PRH1: variants seen among roughly 807,000 people sequenced by gnomAD.
PRH1 encodes the protein salivary acidic proline-rich phosphoprotein 1/2.
In PRH1, 7 loss-of-function variants were observed where a neutral mutation model predicts 7.9. The observed-to-expected ratio is 0.89, with a 90% CI of 0.50 to 1.67. The LOEUF is 1.67. PRH1 is among the 40% of genes most tolerant of loss of function. The pLI, the probability that PRH1 is intolerant of heterozygous loss-of-function variation, is 0.00. For missense variants in PRH1, 109 were observed against 223.6 expected, an observed-to-expected ratio of 0.49 and a Z score of 3.27; for synonymous variants, 45 against 80.8, an observed-to-expected ratio of 0.56 and a Z score of 2.38.
At chr12:10,892,545 T>C (rs942273267) in intron 2 of PRH1, among the ~76,000 whole-genome samples, 4 of 152,138 alleles carry the variant, frequency 2.6e-5, no homozygotes, top group African/African-American at 9.7e-5. Flanking sequence ...AAGGGGTATG[T>C]CATTTTATGA....
At chr12:10,999,517 T>A (rs566337626) in intron 1 of PRH1, among the ~76,000 whole-genome samples, 2 of 152,262 alleles carry the variant, frequency 1.3e-5, no homozygotes, top group East Asian at 1.9e-4. Context: ...TGTAATTTTT[T>A]AAATAAAATT....
intron 1 of PRH1, among the ~76,000 whole-genome samples, chr12:11,138,959 C>A (rs1946631783): frequency 6.6e-6 from 1 of 152,132 alleles, no homozygotes; most frequent in African/African-American, 2.4e-5. Context: ...AGAATCACTT[C>A]AGCCCGGGTG....
At chr12:11,054,366 T>C (rs996870670) in intron 1 of PRH1, among the ~76,000 whole-genome samples, 2 of 152,204 alleles carry the variant, frequency 1.3e-5, no homozygotes, top group Non-Finnish European at 2.9e-5. Context: ...ATAAGCTTCA[T>C]CTTTTAATAG....
intron 1 of PRH1, among the ~76,000 whole-genome samples, chr12:11,073,789 TTATA>T (rs1944184261): frequency 1.3e-5 from 2 of 152,166 alleles, no homozygotes; most frequent in Admixed American, 6.5e-5. Context: ...ATCGTGGGCA[TTATA>T]GGACTCTGTG....
At chr12:11,092,299 T>G in intron 1 of PRH1, 4 of 1,046,450 alleles carry the variant, frequency 3.8e-6, no homozygotes, top group Non-Finnish European at 5.6e-6. Context: ...GCAGGTGGGT[T>G]CGTGGTCTCG....
At chr12:10,997,027 G>C (rs755857929) in intron 1 of PRH1, 6 of 1,614,040 alleles carry the variant, frequency 3.7e-6, no homozygotes, top group Non-Finnish European at 4.2e-6. Flanking sequence ...TTAGCGTCTT[G>C]TTCCCCCAAA....
intron 1 of PRH1, among the ~76,000 whole-genome samples, chr12:11,141,251 C>A (rs1195189731): frequency 6.6e-6 from 1 of 152,150 alleles, no homozygotes; most frequent in Non-Finnish European, 1.5e-5. Flanking sequence ...TCTCTTGAGT[C>A]TAGTTAATAC....
rs757992422 is a variant in PRH1, at chr12:10,882,396, G to A, written c.403C>T (p.Gln135Ter). 3 of 1,603,798 alleles carry A rather than the reference G, an allele frequency of 1.9e-6. No homozygotes were observed. The South Asian group carries it at 3.3e-5, about 18-fold the overall frequency. ...CGAGGAGGACGGGGATGGCCTCCCT[G>A]TTGGGGTGGTCCTTGTGGCCTTCCT... ...PQGRPQGPPQ[Q>*]GGHPRPPRGR... Residue 135 changes from glutamine to a stop codon, truncating the protein, a stop_gained, in exon 3 of 4, where the codon CAG becomes TAG. Transcript: ENST00000543626. LOFTEE classifies it low-confidence loss of function (END_TRUNC).
At chr12:11,044,098 T>C (rs777711839) in intron 1 of PRH1, among the ~76,000 whole-genome samples, 32 of 152,150 alleles carry the variant, frequency 2.1e-4, no homozygotes, top group Non-Finnish European at 3.7e-4. Context: ...GACAGACACA[T>C]AGACCAACGG....
downstream of PRH1, among the ~76,000 whole-genome samples, chr12:11,117,956 C>T (rs969519161): frequency 6.6e-6 from 1 of 152,116 alleles, no homozygotes; most frequent in Non-Finnish European, 1.5e-5. Context: ...AACCATGAAG[C>T]TCCCATAAGA....
chr12:11,152,793 T>C (rs148973989), intron 1 of PRH1, among the ~76,000 whole-genome samples: 1 of 152,290 alleles, frequency 6.6e-6, no homozygotes, highest in Non-Finnish European at 1.5e-5. Flanking sequence ...TGAGCAGAGA[T>C]CTTAAAAATG....
chr12:11,038,996 G>T (rs1176500015), intron 1 of PRH1, among the ~76,000 whole-genome samples: 2 of 152,156 alleles, frequency 1.3e-5, no homozygotes, highest in Admixed American at 6.5e-5. Flanking sequence ...TATGTCAAAT[G>T]ACTTTGAAAA....
intron 2 of PRH1, among the ~76,000 whole-genome samples, chr12:10,943,111 C>T (rs534574628): frequency 1.3e-5 from 2 of 152,290 alleles, no homozygotes; most frequent in East Asian, 1.9e-4. Context: ...TGGGTCCTCT[C>T]GCATTTCCTG....
At chr12:11,055,646 T>C (rs568759066) in intron 1 of PRH1, among the ~76,000 whole-genome samples, 5 of 152,358 alleles carry the variant, frequency 3.3e-5, no homozygotes, top group African/African-American at 1.2e-4. Context: ...AAGTAAAAGC[T>C]GAATTCTCAT....
intron 1 of PRH1, among the ~76,000 whole-genome samples, chr12:11,152,333 TATA>T (rs66469127): frequency 0.45 from 67,864 of 149,564 alleles, 16,137 homozygotes; most frequent in Non-Finnish European, 0.52. Context: ...TGTGAGATAG[TATA>T]ATAATACAAG....
chr12:11,157,081 C>G lies in PRH1; in HGVS notation n.39+14341G>C, dbSNP rs142547027. Among the ~76,000 whole-genome samples, 1,441 of 152,084 alleles carry G rather than the reference C, an allele frequency of 9.5e-3. 17 individuals are homozygous for G. The highest frequency in any genetic ancestry group is 0.041 in the Middle Eastern group (12 of 294). ...CAGGATGGTCTCGATCTCCTGACCT[C>G]GTGATCTGCCTGCCGCAGCCTCCCA... On this transcript the variant is annotated intron_variant and non_coding_transcript_variant, in intron 1 of 1. Transcript: ENST00000541175.
In PRH1 at chr12:11,076,613, C is replaced by T. The variant is rs749831940; in HGVS notation, n.124-29425G>A. Among the ~76,000 whole-genome samples the T allele has an allele frequency of 6.7e-5, 8 of 120,016 alleles. 1 individual carries two copies. The highest frequency in any genetic ancestry group is 1.2e-4 in the Non-Finnish European group (6 of 50,594). 78.7% of individuals were successfully genotyped at this position (120,016 alleles called of 152,430 possible). On this transcript the variant is annotated intron_variant and non_coding_transcript_variant, in intron 1 of 4. Transcript: ENST00000541977. ...GTGGAATAAGTGACTTTTCTAACTACACATAAAAAATTATAACAGCACTGA... is the reference window on the plus strand; with the variant it reads ...GTGGAATAAGTGACTTTTCTAACTATACATAAAAAATTATAACAGCACTGA...
intron 2 of PRH1, chr12:10,908,591 T>C (rs1441332408): frequency 1.2e-6 from 2 of 1,613,784 alleles, no homozygotes; most frequent in African/African-American, 1.3e-5. Flanking sequence ...ATAAAAGGAA[T>C]GAGATCACAA....
intron 1 of PRH1, among the ~76,000 whole-genome samples, chr12:11,164,191 T>C (rs779059682): frequency 6.6e-6 from 1 of 152,198 alleles, no homozygotes; most frequent in Non-Finnish European, 1.5e-5. Flanking sequence ...TTGGAATCTG[T>C]AGACCGAGTA....
Sources: allele counts gnomAD v4.1 joint callset (sites outside exome capture counted in the v4.1 genomes callset), GRCh38; gene constraint gnomAD v4.1.1; transcripts MANE v1.5; gene names NCBI Gene and HGNC (gene_info 2026-07-23, HGNC 2026-07-21).